Variants in EYS observed in about 807,000 individuals in gnomAD.
The protein encoded by EYS is protein eyes shut homolog.
EYS carries 250 observed loss-of-function variants against 282.1 expected under a neutral mutation model. The ratio of observed to expected loss-of-function variants is 0.89; its 90% CI spans 0.80 to 0.98. EYS has a LOEUF of 0.98. Ranked by LOEUF, EYS falls within the 50% of genes least tolerant of loss-of-function variation. EYS has a pLI of 0.00. For missense variants in EYS, 4,016 were observed against 3,709.0 expected, an observed-to-expected ratio of 1.08 and a Z score of -2.15; for synonymous variants, 1,355 against 1,282.9, an observed-to-expected ratio of 1.06 and a Z score of -1.20.
chr6:64,824,454 A>G (rs1170939780), intron 19 of EYS, among the ~76,000 whole-genome samples: 1 of 151,958 alleles, frequency 6.6e-6, no homozygotes, highest in Non-Finnish European at 1.5e-5. Context: ...GGTCTGATAC[A>G]TGTTTAACAT....
chr6:65,245,545 C>T (rs750462774), intron 12 of EYS, among the ~76,000 whole-genome samples: 116 of 152,046 alleles, frequency 7.6e-4, no homozygotes, highest in Non-Finnish European at 2.1e-4. Flanking sequence ...TTATTATTCT[C>T]ATATCAAGGC....
chr6:65,534,060 A>C (rs1767881174), intron 2 of EYS, among the ~76,000 whole-genome samples: 1 of 152,074 alleles, frequency 6.6e-6, no homozygotes, highest in Non-Finnish European at 1.5e-5. Context: ...GCAAGTTGGA[A>C]CTATTTATAT....
intron 2 of EYS, among the ~76,000 whole-genome samples, chr6:65,597,064 A>G (rs1417578664): frequency 1.3e-5 from 2 of 152,132 alleles, no homozygotes; most frequent in Non-Finnish European, 2.9e-5. Context: ...TATGAACATT[A>G]TATTAGAGAC....
intron 12 of EYS, among the ~76,000 whole-genome samples, chr6:65,147,841 G>C (rs898126413): frequency 2.0e-5 from 3 of 152,074 alleles, no homozygotes; most frequent in African/African-American, 7.2e-5. Flanking sequence ...AAGCATGGTG[G>C]AAGGGGAAAC....
At chr6:65,512,492 C>CAA (rs71002313) in intron 2 of EYS, among the ~76,000 whole-genome samples, 79 of 117,796 alleles carry the variant, frequency 6.7e-4, no homozygotes, top group Middle Eastern at 4.5e-3. Context: ...GACTCTATCT[C>CAA]AAAAAAAAAA....
At chr6:64,194,875 A>G (rs1562247642) in intron 31 of EYS, among the ~76,000 whole-genome samples, 1 of 152,168 alleles carries the variant, frequency 6.6e-6, no homozygotes, top group Non-Finnish European at 1.5e-5. Context: ...TAGAGACCTT[A>G]AGTCTGTGCA....
intron 13 of EYS, among the ~76,000 whole-genome samples, chr6:65,029,111 C>T (rs1453672994): frequency 6.6e-6 from 1 of 152,016 alleles, no homozygotes; most frequent in East Asian, 1.9e-4. Flanking sequence ...TCTCCTTTTT[C>T]TTTGAGTACT....
intron 22 of EYS, among the ~76,000 whole-genome samples, chr6:64,672,954 G>A (rs1369979750): frequency 6.6e-6 from 1 of 152,126 alleles, no homozygotes; most frequent in African/African-American, 2.4e-5. Context: ...TTAGGAAAAA[G>A]TTACAGATAG....
At chr6:64,853,360 AG>A (rs1363393838) in intron 19 of EYS, among the ~76,000 whole-genome samples, 1 of 152,130 alleles carries the variant, frequency 6.6e-6, no homozygotes, top group Non-Finnish European at 1.5e-5. Context: ...GAAGGTGGAA[AG>A]TCTATGTGCC....
intron 22 of EYS, among the ~76,000 whole-genome samples, chr6:64,712,084 G>C (rs1488926279): frequency 3.9e-5 from 6 of 152,188 alleles, no homozygotes; most frequent in African/African-American, 1.2e-4. Flanking sequence ...AGGCTTTAAG[G>C]TGCCTTCAGC....
At chr6:64,706,991 A>C (rs1449420278) in intron 22 of EYS, among the ~76,000 whole-genome samples, 4 of 152,152 alleles carry the variant, frequency 2.6e-5, no homozygotes, top group African/African-American at 9.7e-5. Context: ...AAGATACAAA[A>C]AAGATACTTG....
chr6:64,148,730 T>C (rs2150292722), intron 31 of EYS, among the ~76,000 whole-genome samples: 1 of 152,226 alleles, frequency 6.6e-6, no homozygotes, highest in South Asian at 2.1e-4. Flanking sequence ...ATACCAGGGA[T>C]CTCTGAAAAA....
intron 34 of EYS, among the ~76,000 whole-genome samples, chr6:63,994,280 A>G (rs1488288160): frequency 2.0e-5 from 3 of 151,930 alleles, no homozygotes; most frequent in African/African-American, 4.8e-5. Context: ...ATTCTGATAC[A>G]TCAGTCTAGT....
intron 26 of EYS, among the ~76,000 whole-genome samples, chr6:64,569,529 C>T (rs1488872882): frequency 6.6e-6 from 1 of 151,960 alleles, no homozygotes; most frequent in Non-Finnish European, 1.5e-5. Context: ...GTCACGAGGT[C>T]AGGAGATCAA....
chr6:63,783,622 T>C (rs1025133338), intron 39 of EYS, among the ~76,000 whole-genome samples: 3 of 152,158 alleles, frequency 2.0e-5, no homozygotes, highest in Admixed American at 1.3e-4. Flanking sequence ...GGAAAAGACT[T>C]GGTGCTCCAA....
intron 9 of EYS, 111 bp from the exon 10 acceptor site, chr6:65,344,288 T>G (rs972409125): frequency 1.1e-6 from 1 of 911,448 alleles, no homozygotes; most frequent in Admixed American, 2.1e-5. Context: ...TGACAACATC[T>G]GCCACAAAAT....
At chr6:63,888,453 A>G (rs1773323001) in intron 35 of EYS, among the ~76,000 whole-genome samples, 1 of 152,218 alleles carries the variant, frequency 6.6e-6, no homozygotes, top group Non-Finnish European at 1.5e-5. Flanking sequence ...TCAGGCAGCA[A>G]TCTTTGCTGT....
At chr6:65,459,204 T>A (rs2150408140) in intron 5 of EYS, among the ~76,000 whole-genome samples, 1 of 152,168 alleles carries the variant, frequency 6.6e-6, no homozygotes, top group Non-Finnish European at 1.5e-5. Context: ...AAAGGCCAGC[T>A]GTAACAGTAT....
chr6:65,504,745 CTGTT>C (rs1423612641), intron 2 of EYS, among the ~76,000 whole-genome samples: 2 of 151,272 alleles, frequency 1.3e-5, no homozygotes, highest in African/African-American at 4.8e-5. Context: ...GAATAAATTA[CTGTT>C]TATTTATTTC....
Sources: allele counts gnomAD v4.1 joint callset (sites outside exome capture counted in the v4.1 genomes callset), GRCh38; gene constraint gnomAD v4.1.1; transcripts MANE v1.5; gene names NCBI Gene and HGNC (gene_info 2026-07-23, HGNC 2026-07-21).